The following RHPN2 variants were observed in gnomAD, a reference collection of about 807,000 sequenced individuals.
RHPN2 encodes the protein rhophilin-2.
In RHPN2, 40 loss-of-function variants were observed where a neutral mutation model predicts 79.0. The ratio of observed to expected loss-of-function variants is 0.51; its 90% confidence interval spans 0.39 to 0.66. The LOEUF is 0.66. Ranked by LOEUF, RHPN2 falls within the 30% of genes least tolerant of loss-of-function variation. The pLI is 0.00. For missense variants in RHPN2, 686 were observed against 883.5 expected (o/e 0.78, Z 2.83); for synonymous variants, 285 against 363.5 (o/e 0.78, Z 2.46).
At chr19:33,033,763 A>T (rs549952864) in intron 2 of RHPN2, among the ~76,000 whole-genome samples, 1 of 151,954 alleles carries the variant, frequency 6.6e-6, no homozygotes, top group African/African-American at 2.4e-5. Context: ...ACTACTTGGA[A>T]GGCTGAGGCA....
At chr19:33,062,623 T>A (rs2145277398) in intron 1 of RHPN2, among the ~76,000 whole-genome samples, 1 of 150,880 alleles carries the variant, frequency 6.6e-6, no homozygotes, top group African/African-American at 2.4e-5. Context: ...TACAAAAAAT[T>A]AGCCAGGTGT....
chr19:33,063,413 G>A (rs1251188487), intron 1 of RHPN2, among the ~76,000 whole-genome samples: 1 of 152,054 alleles, frequency 6.6e-6, no homozygotes, highest in Non-Finnish European at 1.5e-5. Context: ...AAGATGCCAA[G>A]ACCATTTAAG....
At chr19:32,991,417 C>T in intron 13 of RHPN2, 1 of 265,074 alleles carries the variant, frequency 3.8e-6, no homozygotes, top group Non-Finnish European at 7.4e-6. Context: ...CAAGATCGCG[C>T]CACTGCACTC....
chr19:33,034,783 C>CAAAA (rs58456679), intron 2 of RHPN2, among the ~76,000 whole-genome samples: 8 of 50,884 alleles, frequency 1.6e-4, no homozygotes, highest in Admixed American at 2.7e-4. Context: ...GACTCCATCT[C>CAAAA]AAAAAAAAAA....
At chr19:33,035,576 C>T (rs759087960) in intron 2 of RHPN2, among the ~76,000 whole-genome samples, 3 of 152,160 alleles carry the variant, frequency 2.0e-5, no homozygotes, top group Admixed American at 1.3e-4. Context: ...GGCGTCTGAG[C>T]TTCGTTGCTA....
chr19:33,054,660 T>G lies in RHPN2; in HGVS notation c.69+10124A>C, dbSNP rs533228581. Reference sequence around the variant, plus strand: ...CACTTGGCACCCATTACTGCTGCTCTGCCAGACACCCAGCCTCTGGCTGAG... The same window carrying G: ...CACTTGGCACCCATTACTGCTGCTCGGCCAGACACCCAGCCTCTGGCTGAG... On this transcript the variant is annotated intron_variant, in intron 1 of 14. Coordinates refer to ENST00000254260, the MANE Select transcript of RHPN2 (RefSeq NM_033103.5). 2.7e-3 allele frequency among the ~76,000 whole-genome samples: 408 copies of G among 152,330 alleles called. 3 individuals carry two copies. Among genetic ancestry groups the G allele is most frequent in the Admixed American group, 0.018 (274 of 15,286 alleles).
At chr19:33,023,913 A>G (rs200206477) in intron 3 of RHPN2, among the ~76,000 whole-genome samples, 8 of 152,140 alleles carry the variant, frequency 5.3e-5, no homozygotes, top group Non-Finnish European at 1.0e-4. Flanking sequence ...TCTAGAGCCC[A>G]GGGACCAATC....
intron 2 of RHPN2, among the ~76,000 whole-genome samples, chr19:33,030,574 C>A (rs1599825726): frequency 6.6e-6 from 1 of 152,122 alleles, no homozygotes; most frequent in East Asian, 1.9e-4. Context: ...GCCTGGGTGA[C>A]AGAGCAAGAC....
At chr19:33,021,444 G>A in intron 4 of RHPN2, 127 bp downstream of exon 4, 1 of 755,922 alleles carries the variant, frequency 1.3e-6, no homozygotes, top group South Asian at 1.4e-5. Context: ...GCAGCCTCCA[G>A]TTCCTGGGCT....
chr19:33,037,900 ACCT>A (rs1972071509), intron 2 of RHPN2, among the ~76,000 whole-genome samples: 1 of 151,976 alleles, frequency 6.6e-6, no homozygotes, highest in Non-Finnish European at 1.5e-5. Flanking sequence ...ACAGAGTGAG[ACCT>A]CCTCTCAAAA....
chr19:33,012,169 G>A (rs1971840762), intron 5 of RHPN2, among the ~76,000 whole-genome samples: 1 of 151,716 alleles, frequency 6.6e-6, no homozygotes, highest in South Asian at 2.1e-4. Flanking sequence ...AGCCTCCCGA[G>A]TAGCTGGGAT....
At position 33,011,703 on chromosome 19, in the gene RHPN2, C is replaced by T. The variant is rs370371186; in HGVS notation, c.569G>A (p.Arg190Gln). Reference sequence around the variant, plus strand: ...CCAGGTGAACAGGAGTCCCATCTGCCGTGTGGGCGGGAAGAATCGACTCTC... The same window carrying T: ...CCAGGTGAACAGGAGTCCCATCTGCTGTGTGGGCGGGAAGAATCGACTCTC... ...FVESRFFPPT[R>Q]QMGLLFTWYD... The change falls in exon 6 of 15, where the codon CGG becomes CAG. Residue 190 changes from arginine (R) to glutamine (Q), a missense_variant. By Grantham distance (43) the Arg-to-Gln change is conservative. Coordinates refer to ENST00000254260, the MANE Select transcript of RHPN2 (RefSeq NM_033103.5). 3 of 1,613,770 alleles carry T rather than the reference C, an allele frequency of 1.9e-6. No homozygotes were observed. The highest frequency in any genetic ancestry group is 1.1e-5 in the South Asian group (1 of 91,068).
rs753297448 is a variant in RHPN2 at position 32,996,108 on chromosome 19, T to G, written c.1338A>C (p.Ala446=). 6 of 1,614,044 alleles carry G rather than the reference T, an allele frequency of 3.7e-6. No homozygotes were observed. Among genetic ancestry groups the G allele is most frequent in the Non-Finnish European group, 5.1e-6 (6 of 1,179,914 alleles). The stretch of plus-strand genomic sequence containing the variant: ...CGTACGTGAGCCGGGAGCGTTCCTG[T>G]GCGGCACACAGCACCTTCTGTAGCA... ...IEVLQKVLCA[A]QERSRLTYAQ... is the part of the protein sequence containing the mutation. Residue 446 remains alanine (A), a synonymous_variant, in exon 11 of 15, where the codon GCA becomes GCC. Transcript: ENST00000254260.
chr19:33,006,248 G>A (rs982079152), intron 7 of RHPN2, among the ~76,000 whole-genome samples: 1 of 152,030 alleles, frequency 6.6e-6, no homozygotes, highest in African/African-American at 2.4e-5. Flanking sequence ...CCAGGCTAGA[G>A]TACAGTGGTG....
At chr19:33,018,542 T>G (rs1414985251) in intron 4 of RHPN2, among the ~76,000 whole-genome samples, 1 of 152,208 alleles carries the variant, frequency 6.6e-6, no homozygotes, top group Non-Finnish European at 1.5e-5. Context: ...TTGTTTTCAT[T>G]GCTTTCTACC....
At chr19:33,023,459 A>G (rs911828678) in intron 3 of RHPN2, among the ~76,000 whole-genome samples, 14 of 151,000 alleles carry the variant, frequency 9.3e-5, no homozygotes, top group African/African-American at 3.2e-4. Flanking sequence ...AAAAGAAAAA[A>G]AAAAGATCAA....
intron 3 of RHPN2, among the ~76,000 whole-genome samples, chr19:33,023,486 A>C (rs1224699058): frequency 6.6e-6 from 1 of 151,670 alleles, no homozygotes; most frequent in Non-Finnish European, 1.5e-5. Context: ...TAAGAAAGAA[A>C]CAATCTACTT....
At chr19:33,053,078 T>C (rs1195387489) in intron 1 of RHPN2, among the ~76,000 whole-genome samples, 2 of 151,976 alleles carry the variant, frequency 1.3e-5, no homozygotes, top group Admixed American at 1.3e-4. Flanking sequence ...TTCAAGCGAT[T>C]CTCCTGTTTC....
At chr19:33,055,220 A>T (rs1227191339) in intron 1 of RHPN2, among the ~76,000 whole-genome samples, 1 of 152,056 alleles carries the variant, frequency 6.6e-6, no homozygotes, top group Non-Finnish European at 1.5e-5. Flanking sequence ...CAGGTGTGGC[A>T]ATTTTTAATC....
Sources: gnomAD v4.1 joint callset for allele counts (sites outside exome capture counted in the v4.1 genomes callset) on GRCh38, gnomAD v4.1.1 for gene constraint, MANE v1.5 for transcripts, NCBI Gene and HGNC (gene_info 2026-07-23, HGNC 2026-07-21) for gene names.